Variants in DACH2 observed in about 807,000 individuals in gnomAD.
The protein encoded by DACH2 is dachshund family transcription factor 2.
A neutral mutation model predicts 35.8 loss-of-function variants in DACH2; 17 were observed. That is an observed-to-expected ratio of 0.48 (90% CI 0.33 to 0.71). The LOEUF (loss-of-function observed/expected upper bound fraction) is 0.71. DACH2 is among the 30% of genes least tolerant of loss of function. The pLI is 0.02. For synonymous variants in DACH2, 195 were observed against 177.3 expected (o/e 1.10, Z -0.79); for missense variants, 469 against 472.7 (o/e 0.99, Z 0.07).
chrX:86,807,690 T>A (rs1320163852), intron 7 of DACH2, among the ~76,000 whole-genome samples: 5 of 111,982 alleles, frequency 4.5e-5, no homozygotes, highest in African/African-American at 1.3e-4. Flanking sequence ...TCTAAAAGAT[T>A]TAGCAAGTTA....
intron 6 of DACH2, among the ~76,000 whole-genome samples, chrX:86,718,102 A>G (rs1307013401): frequency 9.0e-6 from 1 of 110,784 alleles, no homozygotes; most frequent in East Asian, 2.8e-4. Context: ...TAGTGAATGC[A>G]CTAATTTACA....
chrX:86,317,645 T>C (rs1242551479), intron 1 of DACH2, among the ~76,000 whole-genome samples: 2 of 112,391 alleles, frequency 1.8e-5, no homozygotes, highest in Non-Finnish European at 3.8e-5. Context: ...TCCTGATTAT[T>C]TGCATAAAGC....
At chrX:86,555,816 C>T (rs913204617) in intron 3 of DACH2, among the ~76,000 whole-genome samples, 3 of 111,255 alleles carry the variant, frequency 2.7e-5, no homozygotes, top group Admixed American at 1.9e-4. Flanking sequence ...TGGTGGGTAA[C>T]GTGTCCATCC....
At chrX:86,425,945 T>A (rs780602934) in intron 2 of DACH2, among the ~76,000 whole-genome samples, 30 of 111,062 alleles carry the variant, frequency 2.7e-4, no homozygotes, top group Non-Finnish European at 5.1e-4. Flanking sequence ...TTATGAGACC[T>A]GCAATGAGCA....
chrX:86,246,332 A>G (rs2033282952), intron 1 of DACH2, among the ~76,000 whole-genome samples: 4 of 111,170 alleles, frequency 3.6e-5, no homozygotes, highest in South Asian at 7.6e-4. Context: ...GTGAAATACT[A>G]TACAAGAGGA....
rs778000889 is a variant in DACH2 at position 86,591,570 on chromosome X, C to T, written c.641-59466C>T. On this transcript the variant is annotated intron_variant, in intron 3 of 11. Coordinates refer to ENST00000373125, the MANE Select transcript of DACH2 (RefSeq NM_053281.3). ...TTTTTTTTTTTGAGAAGGAGTCTTGCTCTGTCACCCAGGCTGGAGTGCAGT... is the reference window on the plus strand; with the variant it reads ...TTTTTTTTTTTGAGAAGGAGTCTTGTTCTGTCACCCAGGCTGGAGTGCAGT... Among the ~76,000 whole-genome samples, 6 of 96,559 alleles carry T rather than the reference C, an allele frequency of 6.2e-5. No homozygotes were observed. In the South Asian group the frequency reaches 3.0e-3, roughly 48 times the overall value. 83.8% of individuals were successfully genotyped at this position (96,559 alleles called of 115,157 possible). A position where few individuals can be genotyped will look rare whatever the true frequency, so the allele number is the denominator to read the frequency against.
chrX:86,770,653 C>T (rs2041979605), intron 7 of DACH2, among the ~76,000 whole-genome samples: 1 of 111,952 alleles, frequency 8.9e-6, no homozygotes, highest in African/African-American at 3.2e-5. Flanking sequence ...TATTTACATT[C>T]CTTATTTTTC....
chrX:86,742,808 C>T (rs1365736216), intron 7 of DACH2: 1 of 128,854 alleles, frequency 7.8e-6, no homozygotes, highest in African/African-American at 3.2e-5. Flanking sequence ...TATACTGCAT[C>T]CACATTTCCC....
At chrX:86,501,357 A>C (rs142803743) in intron 2 of DACH2, among the ~76,000 whole-genome samples, 136 of 111,790 alleles carry the variant, frequency 1.2e-3, no homozygotes, top group African/African-American at 4.3e-3. Context: ...TTCATGGCTA[A>C]TATTAATTGG....
At chrX:86,169,638 C>T (rs1253207945) in intron 1 of DACH2, among the ~76,000 whole-genome samples, 1 of 109,522 alleles carries the variant, frequency 9.1e-6, no homozygotes, top group African/African-American at 3.3e-5. Flanking sequence ...AGCTCACTGT[C>T]TTTCTTCTGC....
intron 1 of DACH2, among the ~76,000 whole-genome samples, chrX:86,204,906 G>A (rs182020133): frequency 6.3e-5 from 7 of 111,264 alleles, no homozygotes; most frequent in Admixed American, 5.7e-4. Context: ...TTATAGTTTT[G>A]TCTCCCTGTG....
rs1367172362 is a variant in DACH2 at position 86,178,456 on chromosome X, T to G, written c.488+29348T>G. Among the ~76,000 whole-genome samples the G allele has an allele frequency of 4.5e-5, 5 of 111,672 alleles. No homozygotes were observed. The East Asian group carries it at 1.4e-3, about 31-fold the overall frequency. ...CAGTGCCAAACATAGTACATGGATG[T>G]AAGTACTGAAAATGCTTTCAGTTTG... On this transcript the variant is annotated intron_variant, in intron 1 of 11. Transcript: ENST00000373125.
chrX:86,671,734 A>G (rs1486794494), intron 4 of DACH2, among the ~76,000 whole-genome samples: 1 of 112,096 alleles, frequency 8.9e-6, no homozygotes, highest in Non-Finnish European at 1.9e-5. Context: ...TAGCAATATG[A>G]GAATGGAATA....
At chrX:86,324,824 T>C (rs1324391496) in intron 1 of DACH2, among the ~76,000 whole-genome samples, 1 of 109,075 alleles carries the variant, frequency 9.2e-6, no homozygotes, top group Non-Finnish European at 1.9e-5. Context: ...TGAGCCACTG[T>C]TGTCTTATTT....
At chrX:86,262,640 C>CAA (rs779958717) in intron 1 of DACH2, among the ~76,000 whole-genome samples, 3 of 74,757 alleles carry the variant, frequency 4.0e-5, no homozygotes, top group African/African-American at 8.8e-5. Context: ...ATAATCTGCT[C>CAA]CAAAAAAAAA....
chrX:86,184,566 G>A (rs892743565), intron 1 of DACH2, among the ~76,000 whole-genome samples: 3 of 111,188 alleles, frequency 2.7e-5, no homozygotes, highest in African/African-American at 9.8e-5. Context: ...TATAAACTCT[G>A]GCTTTAATAA....
chrX:86,806,327 A>G (rs753492069), intron 7 of DACH2, among the ~76,000 whole-genome samples: 1 of 110,035 alleles, frequency 9.1e-6, no homozygotes, highest in Non-Finnish European at 1.9e-5. Context: ...GGTGTCATAC[A>G]CTTTTAAATA....
chrX:86,317,434 T>G (rs1300580191), intron 1 of DACH2, among the ~76,000 whole-genome samples: 2 of 112,219 alleles, frequency 1.8e-5, no homozygotes, highest in African/African-American at 6.5e-5. Flanking sequence ...GAGACACAGC[T>G]GGAGATTTGT....
At chrX:86,494,848 G>C (rs754844904) in intron 2 of DACH2, among the ~76,000 whole-genome samples, 2 of 111,937 alleles carry the variant, frequency 1.8e-5, no homozygotes, top group Non-Finnish European at 3.8e-5. Flanking sequence ...TTCAAAATGG[G>C]CATTGCCCAA....
Sources: allele counts gnomAD v4.1 joint callset (sites outside exome capture counted in the v4.1 genomes callset), GRCh38; gene constraint gnomAD v4.1.1; transcripts MANE v1.5; gene names NCBI Gene and HGNC (gene_info 2026-07-23, HGNC 2026-07-21).